The following PCCA variants were observed in gnomAD, a reference collection of about 807,000 sequenced individuals.
PCCA encodes the protein propionyl-CoA carboxylase subunit alpha.
In PCCA, 74 loss-of-function variants were observed where a neutral mutation model predicts 101.3. The observed-to-expected ratio is 0.73, with a 90% CI of 0.61 to 0.89. The LOEUF is 0.89. PCCA is among the 40% of genes least tolerant of loss of function. The probability of loss-of-function intolerance (pLI) is 0.00; values close to 1 mark genes in which losing one functional copy is unlikely to be tolerated. For missense variants in PCCA, 891 were observed against 907.0 expected (o/e 0.98, Z 0.23); for synonymous variants, 294 against 313.6 (o/e 0.94, Z 0.66).
chr13:100,529,857 G>A (rs1376604157), intron 23 of PCCA, among the ~76,000 whole-genome samples: 1 of 152,166 alleles, frequency 6.6e-6, no homozygotes, highest in East Asian at 1.9e-4. Flanking sequence ...CAGCCACTGT[G>A]AGGGTGCCGA....
At chr13:100,468,854 A>G (rs1165404511) in intron 21 of PCCA, among the ~76,000 whole-genome samples, 2 of 152,086 alleles carry the variant, frequency 1.3e-5, no homozygotes, top group African/African-American at 4.8e-5. Context: ...GTGAAACTCC[A>G]TCTCTACTAA....
chr13:100,363,256 G>C (rs2074824964), intron 18 of PCCA, among the ~76,000 whole-genome samples: 3 of 151,774 alleles, frequency 2.0e-5, no homozygotes, highest in Admixed American at 6.6e-5. Context: ...CAACCCTGGG[G>C]AAATAAGAAA....
chr13:100,363,869 A>C (rs770514882), intron 18 of PCCA, among the ~76,000 whole-genome samples: 1 of 152,194 alleles, frequency 6.6e-6, no homozygotes, highest in African/African-American at 2.4e-5. Flanking sequence ...ATTTACTCAA[A>C]AGCACCCTTT....
chr13:100,286,006 G>A (rs753422745), intron 12 of PCCA, among the ~76,000 whole-genome samples: 1 of 152,104 alleles, frequency 6.6e-6, no homozygotes, highest in Non-Finnish European at 1.5e-5. Context: ...GGGCAGATAT[G>A]CCAGCAACTC....
chr13:100,110,435 G>A lies in PCCA; in HGVS notation c.184-1406G>A, dbSNP rs113905956. Among the ~76,000 whole-genome samples the A allele has an allele frequency of 9.7e-3, 1,483 of 152,238 alleles. 25 individuals are homozygous for A. Among genetic ancestry groups the A allele is most frequent in the African/African-American group, 0.025 (1,053 of 41,512 alleles). On this transcript the variant is annotated intron_variant, in intron 2 of 23. Transcript: ENST00000376285. The stretch of plus-strand genomic sequence containing the variant: ...GTTTATGTGGAAATCAAGGCCTACA[G>A]AGATTGATTTACTTAAAGTTAAATA...
intron 19 of PCCA, among the ~76,000 whole-genome samples, chr13:100,391,843 A>G (rs1010419585): frequency 4.3e-4 from 65 of 152,278 alleles, no homozygotes; most frequent in African/African-American, 1.6e-3. Flanking sequence ...CATTAACATC[A>G]TATTTTCAGT....
At chr13:100,453,029 C>G (rs754891735) in intron 21 of PCCA, among the ~76,000 whole-genome samples, 1 of 151,622 alleles carries the variant, frequency 6.6e-6, no homozygotes. Context: ...CAAAGGGAGA[C>G]CCCATCCTTA....
At chr13:100,254,928 AAAAG>A (rs1054892390) in intron 8 of PCCA, among the ~76,000 whole-genome samples, 1 of 151,994 alleles carries the variant, frequency 6.6e-6, no homozygotes, top group African/African-American at 2.4e-5. Context: ...AAAAAAAAAA[AAAAG>A]AAAATTAGCT....
intron 4 of PCCA, among the ~76,000 whole-genome samples, chr13:100,128,410 T>C (rs2050168091): frequency 6.6e-6 from 1 of 152,170 alleles, no homozygotes; most frequent in African/African-American, 2.4e-5. Context: ...GGATTGCTGC[T>C]TTAGAGATGG....
chr13:100,386,016 GT>G (rs1162769652), intron 19 of PCCA, among the ~76,000 whole-genome samples: 30 of 152,340 alleles, frequency 2.0e-4, no homozygotes, highest in African/African-American at 6.5e-4. Context: ...TTTATACTGT[GT>G]GTTATGTCCA....
intron 6 of PCCA, among the ~76,000 whole-genome samples, chr13:100,162,455 C>T (rs532693794): frequency 6.6e-6 from 1 of 152,244 alleles, no homozygotes; most frequent in South Asian, 2.1e-4. Flanking sequence ...CAGACTGACT[C>T]TCAGATGCAT....
chr13:100,402,436 TTCTC>T (rs930045801), intron 19 of PCCA, among the ~76,000 whole-genome samples: 21 of 152,112 alleles, frequency 1.4e-4, no homozygotes, highest in African/African-American at 4.6e-4. Flanking sequence ...AAGTTAGATT[TTCTC>T]TCTAATTTAA....
chr13:100,201,382 A>G (rs2058478999), intron 6 of PCCA, among the ~76,000 whole-genome samples: 1 of 152,198 alleles, frequency 6.6e-6, no homozygotes. Flanking sequence ...GATCTCTGCT[A>G]GTACTCATTC....
intron 19 of PCCA, among the ~76,000 whole-genome samples, chr13:100,387,065 C>G (rs1379765408): frequency 6.6e-6 from 1 of 152,134 alleles, no homozygotes; most frequent in South Asian, 2.1e-4. Context: ...AGAAAAGCAG[C>G]TGGCTCATTA....
chr13:100,443,720 T>G (rs1308337400), intron 20 of PCCA, among the ~76,000 whole-genome samples: 2 of 151,992 alleles, frequency 1.3e-5, no homozygotes, highest in African/African-American at 4.8e-5. Flanking sequence ...GTAGCCAAAT[T>G]ACTTTTTGTA....
intron 21 of PCCA, among the ~76,000 whole-genome samples, chr13:100,492,777 A>T (rs1268348555): frequency 6.6e-6 from 1 of 151,170 alleles, no homozygotes; most frequent in Non-Finnish European, 1.5e-5. Flanking sequence ...GAAGGAGAAA[A>T]GAAAAGGTGC....
chr13:100,299,958 C>T (rs2065928399), intron 12 of PCCA, among the ~76,000 whole-genome samples: 1 of 152,230 alleles, frequency 6.6e-6, no homozygotes, highest in Non-Finnish European at 1.5e-5. Context: ...AAGTGATTTG[C>T]CCGTCTTGGC....
At chr13:100,163,932 A>G (rs1429166059) in intron 6 of PCCA, among the ~76,000 whole-genome samples, 1 of 152,078 alleles carries the variant, frequency 6.6e-6, no homozygotes, top group Non-Finnish European at 1.5e-5. Context: ...CTAACATTTC[A>G]TATTCTAGTT....
At chr13:100,529,829 G>A (rs2045362974) in intron 23 of PCCA, among the ~76,000 whole-genome samples, 1 of 152,144 alleles carries the variant, frequency 6.6e-6, no homozygotes, top group Non-Finnish European at 1.5e-5. Context: ...CAAATGCTCC[G>A]GAGAGTAGCC....
Sources: allele counts gnomAD v4.1 joint callset (sites outside exome capture counted in the v4.1 genomes callset), GRCh38; gene constraint gnomAD v4.1.1; transcripts MANE v1.5; gene names NCBI Gene and HGNC (gene_info 2026-07-23, HGNC 2026-07-21).